DNAH11: variants seen among roughly 807,000 people sequenced by gnomAD.
DNAH11 encodes axonemal beta dynein heavy chain 11.
Under a neutral mutation model 526.0 loss-of-function variants are expected in DNAH11, and 442 were observed. That is an observed-to-expected ratio of 0.84 (90% CI 0.78 to 0.91). The LOEUF (loss-of-function observed/expected upper bound fraction) is 0.91. DNAH11 is among the 40% of genes least tolerant of loss of function. The probability of loss-of-function intolerance (pLI) is 0.00; values close to 1 mark genes in which losing one functional copy is unlikely to be tolerated. For missense variants in DNAH11, 6,989 were observed against 5,448.7 expected (o/e 1.28, Z -8.90); for synonymous variants, 2,461 against 1,935.9 (o/e 1.27, Z -7.12).
chr7:21,616,087 T>G (rs1785765562), intron 21 of DNAH11, 122 bp from the exon 22 acceptor site: 1 of 739,016 alleles, frequency 1.4e-6, no homozygotes, highest in African/African-American at 1.8e-5. Flanking sequence ...CAGTTAATAT[T>G]TTAAAAATTG....
chr7:21,867,711 G>A (rs1783334329), intron 71 of DNAH11, 148 bp from the exon 72 acceptor site: 3 of 679,116 alleles, frequency 4.4e-6, no homozygotes, highest in African/African-American at 3.6e-5. Context: ...ACATCTAGCT[G>A]GATTCATATT....
chr7:21,894,279 A>T, intron 77 of DNAH11, among the ~76,000 whole-genome samples: 1 of 152,358 alleles, frequency 6.6e-6, no homozygotes, highest in African/African-American at 2.4e-5. Context: ...TCCTCTGATC[A>T]TATCTTTACA....
At position 21,854,429 on chromosome 7, in the gene DNAH11, A is replaced by G; in HGVS notation, c.11176A>G (p.Asn3726Asp). The G allele has an allele frequency of 6.2e-7, 1 of 1,613,868 alleles. No individual in the cohort carries two copies. Among genetic ancestry groups the G allele is most frequent in the Non-Finnish European group, 8.5e-7 (1 of 1,179,848 alleles). ...YFVINDLQKI[N>D]PLYQFSLKAF... ...TGTTATTAATGACCTCCAAAAAATC[A>G]ACCCCCTCTACCAATTCTCTTTGAA... The change falls in exon 68 of 82, where the codon AAC (asparagine) becomes GAC (aspartate). Residue 3726 changes from asparagine (N) to aspartate (D), a missense_variant. Asn to Asp is a conservative substitution (Grantham distance 23). Transcript: ENST00000409508.
Position 21,582,556 on chromosome 7 carries a change from G to A in DNAH11, c.1710+535G>A, listed in dbSNP as rs181603305. Reference sequence around the variant, plus strand: ...ATTGACTGCATAATGTATTTCAGTCGCAGAGATTTTGAAACATAAAAGTAT... The same window carrying A: ...ATTGACTGCATAATGTATTTCAGTCACAGAGATTTTGAAACATAAAAGTAT... On this transcript the variant is annotated intron_variant, in intron 9 of 81. Coordinates refer to ENST00000409508, the MANE Select transcript of DNAH11 (RefSeq NM_001277115.2). 1.6e-3 allele frequency among the ~76,000 whole-genome samples: 238 copies of A among 152,154 alleles called. 3 individuals carry two copies. Among genetic ancestry groups the A allele is most frequent in the Non-Finnish European group, 2.6e-3 (177 of 67,988 alleles).
chr7:21,771,285 G>A (rs1583677501), intron 55 of DNAH11, among the ~76,000 whole-genome samples: 1 of 152,094 alleles, frequency 6.6e-6, no homozygotes, highest in African/African-American at 2.4e-5. Flanking sequence ...GCTGGTCTTG[G>A]GAAGGTATAA....
In DNAH11 at chr7:21,744,614, G is replaced by A; in HGVS notation, c.8316+15G>A. ...AATATTTTGAAGTAAGCGTATGAAT[G>A]TCAGAGGTCACTACTTACTCCAACA... is the stretch of plus-strand genomic sequence containing the variant. On this transcript the variant is annotated intron_variant, in intron 50 of 81. Coordinates refer to ENST00000409508, the MANE Select transcript of DNAH11 (RefSeq NM_001277115.2). The A allele has an allele frequency of 3.1e-6, 5 of 1,611,520 alleles. No homozygotes were observed. The highest frequency in any genetic ancestry group is 1.3e-5 in the African/African-American group (1 of 74,804).
At chr7:21,546,281 G>C (rs1782802292) in intron 2 of DNAH11, among the ~76,000 whole-genome samples, 2 of 152,196 alleles carry the variant, frequency 1.3e-5, no homozygotes, top group South Asian at 4.1e-4. Flanking sequence ...CCTGTACCCT[G>C]CCTGGGTTTC....
chr7:21,861,414 C>T (rs547391674), intron 68 of DNAH11, among the ~76,000 whole-genome samples: 13 of 152,292 alleles, frequency 8.5e-5, no homozygotes, highest in African/African-American at 1.4e-4. Flanking sequence ...CTGCATTAAA[C>T]GGTATAATTT....
rs773361324 is a variant in DNAH11 at position 21,750,361 on chromosome 7, C to T, written c.8937C>T (p.Leu2979=). 6.2e-7 allele frequency: 1 copy of T among 1,600,394 alleles called. No individual in the cohort carries two copies. Among genetic ancestry groups the T allele is most frequent in the Non-Finnish European group, 8.5e-7 (1 of 1,173,280 alleles). ...TTATGGCCAGGGTGCGACTACAGCT[C>T]AAAGTAAGAAATACTTGCTTAATTT... ...KFFMARVRLQ[L]KIILCFSPVG... Residue 2979 remains leucine (L), a synonymous_variant, in exon 54 of 82, where the codon CTC becomes CTT. Transcript: ENST00000409508.
chr7:21,670,404 C>T (rs1247514421), intron 30 of DNAH11, among the ~76,000 whole-genome samples: 1 of 152,016 alleles, frequency 6.6e-6, no homozygotes, highest in Non-Finnish European at 1.5e-5. Flanking sequence ...GCTAAATTTA[C>T]TTAGTACATT....
chr7:21,793,826 T>G (rs558136293), intron 61 of DNAH11, among the ~76,000 whole-genome samples: 13 of 152,314 alleles, frequency 8.5e-5, no homozygotes, highest in South Asian at 8.3e-4. Context: ...CTATTCATGT[T>G]TATTATATAT....
At chr7:21,679,715 C>G (rs1351335933) in intron 30 of DNAH11, among the ~76,000 whole-genome samples, 6 of 152,216 alleles carry the variant, frequency 3.9e-5, no homozygotes, top group African/African-American at 9.6e-5. Context: ...ATGGGTAGGT[C>G]TTGTGGAGGC....
At chr7:21,778,176 A>G (rs907140654) in intron 56 of DNAH11, among the ~76,000 whole-genome samples, 1 of 152,188 alleles carries the variant, frequency 6.6e-6, no homozygotes, top group African/African-American at 2.4e-5. Context: ...TGATGAAATT[A>G]TAACTGAAAA....
chr7:21,769,858 T>C (rs935857867), intron 55 of DNAH11, among the ~76,000 whole-genome samples: 1 of 152,146 alleles, frequency 6.6e-6, no homozygotes, highest in Non-Finnish European at 1.5e-5. Context: ...AGAGAACCAT[T>C]GAAGGTACCT....
At chr7:21,714,069 A>G (rs1784559034) in intron 42 of DNAH11, among the ~76,000 whole-genome samples, 1 of 152,160 alleles carries the variant, frequency 6.6e-6, no homozygotes. Flanking sequence ...TCAGCAGTGA[A>G]TCTCACAGCT....
At chr7:21,741,545 C>A (rs1408800597) in intron 48 of DNAH11, among the ~76,000 whole-genome samples, 1 of 152,200 alleles carries the variant, frequency 6.6e-6, no homozygotes, top group African/African-American at 2.4e-5. Flanking sequence ...TCAGTGACTG[C>A]TGATCTTGGC....
At chr7:21,850,874 A>C (rs1381097513) in intron 66 of DNAH11, among the ~76,000 whole-genome samples, 2 of 152,146 alleles carry the variant, frequency 1.3e-5, no homozygotes, top group Non-Finnish European at 2.9e-5. Flanking sequence ...GTGCTTTGCA[A>C]ATCTCTCAGT....
Position 21,637,708 on chromosome 7 carries a change from A to C in DNAH11, c.4817+6A>C, listed in dbSNP as rs1006884453. On this transcript the variant is annotated splice_donor_region_variant and intron_variant, in intron 27 of 81. Coordinates refer to ENST00000409508, the MANE Select transcript of DNAH11 (RefSeq NM_001277115.2). ...CTTAAAGATTTACAGTCCAGGTAAG[A>C]ATAAAGCTATATAAGATAATCAATT... The C allele has an allele frequency of 6.0e-6, 9 of 1,512,512 alleles. No homozygotes were observed. Among genetic ancestry groups the C allele is most frequent in the Non-Finnish European group, 8.0e-6 (9 of 1,118,160 alleles). The allele number at this position is 1,512,512 out of a possible 1,614,324, so 93.7% of individuals were successfully genotyped here.
chr7:21,747,780 C>G (rs1482056537), intron 51 of DNAH11, among the ~76,000 whole-genome samples: 1 of 152,186 alleles, frequency 6.6e-6, no homozygotes, highest in Non-Finnish European at 1.5e-5. Flanking sequence ...GAAACAAGTG[C>G]TTGATTTGCT....
Sources: gnomAD v4.1 joint callset for allele counts (sites outside exome capture counted in the v4.1 genomes callset) on GRCh38, gnomAD v4.1.1 for gene constraint, MANE v1.5 for transcripts, NCBI Gene and HGNC (gene_info 2026-07-23, HGNC 2026-07-21) for gene names.